SEC31B: variants seen among roughly 807,000 people sequenced by gnomAD.
The protein encoded by SEC31B is SEC31 homolog B, COPII component.
SEC31B carries 113 observed loss-of-function variants against 135.0 expected under a neutral mutation model. The observed-to-expected ratio is 0.84, with a 90% CI of 0.72 to 0.98. The LOEUF (loss-of-function observed/expected upper bound fraction) is 0.98, where lower values mean the gene tolerates loss of function less well. SEC31B is among the 50% of genes least tolerant of loss of function. SEC31B has a pLI of 0.00. For missense variants in SEC31B, 1,296 were observed against 1,421.1 expected (o/e 0.91, Z 1.42); for synonymous variants, 508 against 549.4 (o/e 0.92, Z 1.05).
At chr10:100,504,207 T>G (rs1851582000) in intron 10 of SEC31B, among the ~76,000 whole-genome samples, 2 of 152,234 alleles carry the variant, frequency 1.3e-5, no homozygotes, top group South Asian at 4.1e-4. Context: ...AATTCAGGCC[T>G]CTTGACCTCA....
chr10:100,507,699 C>T (rs1274354291), intron 6 of SEC31B, 132 bp from the exon 7 acceptor site: 1 of 1,343,800 alleles, frequency 7.4e-7, no homozygotes, highest in African/African-American at 1.4e-5. Context: ...GAGTGATGGC[C>T]AGGAATAAGT....
chr10:100,490,345 C>T, intron 20 of SEC31B, 23 bp from the exon 21 acceptor site: 2 of 1,597,726 alleles, frequency 1.3e-6, no homozygotes, highest in African/African-American at 1.3e-5. Context: ...AGAAATAGGT[C>T]ATTTGTCACT....
chr10:100,512,190 A>G (rs944970223), intron 3 of SEC31B, among the ~76,000 whole-genome samples: 1 of 152,172 alleles, frequency 6.6e-6, no homozygotes, highest in African/African-American at 2.4e-5. Context: ...ATGACAGAAG[A>G]CAGATCCTCT....
chr10:100,490,039 G>C lies in SEC31B; in HGVS notation c.2934C>G (p.Leu978=), dbSNP rs1851269910. 1.3e-6 allele frequency: 2 copies of C among 1,552,330 alleles called. No homozygotes were observed. Among genetic ancestry groups the C allele is most frequent in the African/African-American group, 2.8e-5 (2 of 72,632 alleles). Residue 978 remains leucine (L), a synonymous_variant, in exon 21 of 26, where the codon CTC becomes CTG. Coordinates refer to ENST00000370345, the MANE Select transcript of SEC31B (RefSeq NM_015490.4). ...GDPGAPCSSV[L]PTTGILTPHP... is the part of the protein sequence containing the mutation. Reference sequence around the variant, plus strand: ...GAGGAGTCAAGATGCCAGTGGTTGGGAGGACACTAGAGCATGGGGCACCTG... The same window carrying C: ...GAGGAGTCAAGATGCCAGTGGTTGGCAGGACACTAGAGCATGGGGCACCTG...
chr10:100,519,464 C>CA (rs1222290596), intron 1 of SEC31B, among the ~76,000 whole-genome samples: 1 of 152,254 alleles, frequency 6.6e-6, no homozygotes, highest in Non-Finnish European at 1.5e-5. Context: ...CCGCCCAGCC[C>CA]AAACGCAGCG....
chr10:100,495,256 G>T (rs1285731024), intron 19 of SEC31B, 129 bp downstream of exon 19: 3 of 872,876 alleles, frequency 3.4e-6, no homozygotes, highest in Admixed American at 2.3e-5. Flanking sequence ...ATTATAAAAA[G>T]AACTGAATCT....
In SEC31B at chr10:100,498,009, C is replaced by T; in HGVS notation, c.1863+20G>A. The T allele has an allele frequency of 6.2e-7, 1 of 1,613,740 alleles. No individual in the cohort carries two copies. Among genetic ancestry groups the T allele is most frequent in the Non-Finnish European group, 8.5e-7 (1 of 1,179,722 alleles). On this transcript the variant is annotated intron_variant, in intron 15 of 25. Transcript: ENST00000370345. ...TCCAAGTAATCCCCTCCCTTCTTCT[C>T]CTGCATGATGGGCAGTTACCGAGGA...
At chr10:100,497,436 T>C in intron 16 of SEC31B, 156 bp from the exon 17 acceptor site, 6 of 1,478,466 alleles carry the variant, frequency 4.1e-6, no homozygotes, top group Non-Finnish European at 5.4e-6. Flanking sequence ...AGGGGAAAGT[T>C]CTCACATCAT....
At position 100,519,174 on chromosome 10, in the gene SEC31B, T is replaced by C. The variant is rs554287045; in HGVS notation, c.-46+608A>G. 3.9e-5 allele frequency among the ~76,000 whole-genome samples: 6 copies of C among 152,330 alleles called. No homozygotes were observed. The South Asian group carries it at 1.2e-3, about 32-fold the overall frequency. ...CACTGTACTAGTCGCAAGTAAACCCTAGAAAGTGTTTTAATCGCTGACAGT... is the reference window on the plus strand; with the variant it reads ...CACTGTACTAGTCGCAAGTAAACCCCAGAAAGTGTTTTAATCGCTGACAGT... On this transcript the variant is annotated intron_variant, in intron 1 of 25. Transcript: ENST00000370345.
rs1327014184 is a variant in SEC31B at position 100,507,584 on chromosome 10, T to C, written c.640-17A>G. ...GCAGTGCATCTGTGAACAAAGCAGA[T>C]CCCAATGGGTGCTGTAACCTGACTC... On this transcript the variant is annotated splice_polypyrimidine_tract_variant and intron_variant, in intron 6 of 25. Transcript: ENST00000370345. 12 of 1,613,798 alleles carry C rather than the reference T, an allele frequency of 7.4e-6. No individual in the cohort carries two copies. Among genetic ancestry groups the C allele is most frequent in the African/African-American group, 1.3e-5 (1 of 74,908 alleles).
At chr10:100,501,258 A>G (rs1262465432) in intron 11 of SEC31B, among the ~76,000 whole-genome samples, 1 of 151,844 alleles carries the variant, frequency 6.6e-6, no homozygotes, top group African/African-American at 2.4e-5. Flanking sequence ...AAAAACAAAA[A>G]CAAAAAAACC....
At chr10:100,489,782 G>A (rs1490968503) in intron 21 of SEC31B, 21 bp from the exon 22 acceptor site, 1 of 1,613,638 alleles carries the variant, frequency 6.2e-7, no homozygotes, top group East Asian at 2.2e-5. Flanking sequence ...AAAAGATAGA[G>A]GTTTTTCGGC....
intron 3 of SEC31B, among the ~76,000 whole-genome samples, chr10:100,512,886 A>G (rs1851761214): frequency 6.6e-6 from 1 of 152,250 alleles, no homozygotes; most frequent in South Asian, 2.1e-4. Context: ...GGAACCTAAG[A>G]TAACTGACTT....
At chr10:100,489,216 GT>G (rs1564647518) in intron 23 of SEC31B, 35 bp downstream of exon 23, 1 of 1,572,236 alleles carries the variant, frequency 6.4e-7, no homozygotes, top group East Asian at 2.3e-5. Flanking sequence ...GGGCTGGAAG[GT>G]TTCCCAAGGG....
rs765595889 is a variant in SEC31B at position 100,495,417 on chromosome 10, A to T, written c.2440T>A (p.Ser814Thr). The T allele has an allele frequency of 6.2e-7, 1 of 1,614,018 alleles. No homozygotes were observed. Among genetic ancestry groups the T allele is most frequent in the South Asian group, 1.1e-5 (1 of 91,006 alleles). ...GATLHSKETSSYRLGSQPSHQ... is the reference protein window; with the variant it reads ...GATLHSKETSTYRLGSQPSHQ... Reference sequence around the variant, plus strand: ...GAAGGCTGGGATCCCAATCTGTAAGATGATGTCTCTTTAGAGTGGAGGGTA... The same window carrying T: ...GAAGGCTGGGATCCCAATCTGTAAGTTGATGTCTCTTTAGAGTGGAGGGTA... Residue 814 changes from serine (S) to threonine (T), a missense_variant, in exon 19 of 26, where the codon TCT (serine) becomes ACT (threonine). By Grantham distance (58) the Ser-to-Thr change is moderately conservative (BLOSUM62 1). Transcript: ENST00000370345.
rs766372450 is a variant in SEC31B at position 100,489,434 on chromosome 10, G to A, written c.3025-36C>T. The A allele has an allele frequency of 9.3e-6, 15 of 1,609,170 alleles. No homozygotes were observed. In the South Asian group the frequency reaches 1.7e-4, roughly 18 times the overall value. On this transcript the variant is annotated intron_variant, in intron 22 of 25. Coordinates refer to ENST00000370345, the MANE Select transcript of SEC31B (RefSeq NM_015490.4). The stretch of plus-strand genomic sequence containing the variant: ...AGAAGGAAAGACATGAGTCTAACCT[G>A]AGAGACTCCATGGCTCTGGTTTTGG...
chr10:100,517,048 G>A (rs1268016262), intron 1 of SEC31B, 51 bp from the exon 2 acceptor site: 22 of 870,486 alleles, frequency 2.5e-5, no homozygotes, highest in East Asian at 1.3e-4. Context: ...GAGCATCTGC[G>A]GACAAGAGTT....
chr10:100,513,044 T>C (rs1022134115), intron 3 of SEC31B, among the ~76,000 whole-genome samples: 6 of 152,194 alleles, frequency 3.9e-5, no homozygotes, highest in African/African-American at 1.4e-4. Context: ...CTATCTTCCC[T>C]AATCATCTAG....
chr10:100,515,927 T>A (rs922868909), intron 3 of SEC31B, among the ~76,000 whole-genome samples, 169 bp downstream of exon 3: 2 of 151,046 alleles, frequency 1.3e-5, no homozygotes, highest in Non-Finnish European at 3.0e-5. Flanking sequence ...GGGGGGGTGG[T>A]TGTTTTTTAA....
Sources: allele counts gnomAD v4.1 joint callset (sites outside exome capture counted in the v4.1 genomes callset), GRCh38; gene constraint gnomAD v4.1.1; transcripts MANE v1.5; gene names NCBI Gene and HGNC (gene_info 2026-07-23, HGNC 2026-07-21).